Variants in NAV2 observed in about 807,000 individuals in gnomAD.
The protein encoded by NAV2 is helicase, APC down-regulated 1.
In NAV2, 54 loss-of-function variants were observed where a neutral mutation model predicts 223.2. The ratio of observed to expected loss-of-function variants is 0.24; its 90% CI spans 0.19 to 0.30. NAV2 has a LOEUF of 0.30. NAV2 is among the 10% of genes least tolerant of loss of function. The probability of loss-of-function intolerance (pLI) is 1.00; values close to 1 mark genes in which losing one functional copy is unlikely to be tolerated. For synonymous variants in NAV2, 1,279 were observed against 1,239.3 expected (o/e 1.03, Z -0.67); for missense variants, 2,806 against 3,147.5 (o/e 0.89, Z 2.60).
At chr11:20,008,078 T>C (rs763161943) in intron 11 of NAV2, among the ~76,000 whole-genome samples, 13 of 152,194 alleles carry the variant, frequency 8.5e-5, no homozygotes, top group Non-Finnish European at 1.5e-4. Flanking sequence ...ATTTTAAGTT[T>C]AAATCAGGCC....
chr11:19,542,652 C>T (rs1565033322), intron 1 of NAV2, among the ~76,000 whole-genome samples: 1 of 152,224 alleles, frequency 6.6e-6, no homozygotes, highest in African/African-American at 2.4e-5. Context: ...GGTTTTAATT[C>T]ATCGAAGGTC....
intron 1 of NAV2, among the ~76,000 whole-genome samples, chr11:19,648,177 A>G (rs997600232): frequency 1.3e-5 from 2 of 152,242 alleles, no homozygotes; most frequent in Non-Finnish European, 2.9e-5. Flanking sequence ...ACAGTATATT[A>G]AAAACGAAGG....
At chr11:19,695,642 G>A (rs1176083249) in intron 1 of NAV2, among the ~76,000 whole-genome samples, 5 of 152,116 alleles carry the variant, frequency 3.3e-5, no homozygotes, top group East Asian at 1.9e-4. Flanking sequence ...GGTGGCTCAC[G>A]CCTGTAATCC....
chr11:19,642,692 G>A (rs1198763933), intron 1 of NAV2, among the ~76,000 whole-genome samples: 1 of 152,058 alleles, frequency 6.6e-6, no homozygotes, highest in South Asian at 2.1e-4. Context: ...GCCAATTCTC[G>A]AAATAGTTTA....
rs1228831761 is a variant in NAV2, at chr11:19,713,026, G to A, written c.-670G>A. ...CAGGCGCTAAGGTGCTCTCAGTCCG[G>A]GGGCCTTCTGGGCAGCGGTGACTGT... On this transcript the variant is annotated 5_prime_UTR_variant, in exon 1 of 38. Coordinates refer to ENST00000349880, the MANE Select transcript of NAV2 (RefSeq NM_145117.5). This position sits in a 1 kb window ranked among gnomAD's most constrained non-coding sequence, Gnocchi z 7.2. Among the ~76,000 whole-genome samples the A allele has an allele frequency of 6.6e-6, 1 of 152,154 alleles. No homozygotes were observed. The highest frequency in any genetic ancestry group is 1.5e-5 in the Non-Finnish European group (1 of 68,022).
chr11:19,348,793 T>C (rs1230803134), upstream of NAV2, among the ~76,000 whole-genome samples: 2 of 152,164 alleles, frequency 1.3e-5, no homozygotes, highest in African/African-American at 2.4e-5. Context: ...AAAACTGAGA[T>C]TGGGATTAAG....
At position 20,045,105 on chromosome 11, in the gene NAV2, C is replaced by G; in HGVS notation, c.3337C>G (p.Pro1113Ala). The G allele has an allele frequency of 1.2e-6, 2 of 1,614,186 alleles. No homozygotes were observed. The highest frequency in any genetic ancestry group is 1.7e-6 in the Non-Finnish European group (2 of 1,180,024). The stretch of plus-strand genomic sequence containing the variant: ...GCCCCTCCCCAGCAGCTCTAGGACA[C>G]CTACTGCCAATGCCAACAGCTTTGG... Reference protein sequence around the residue: ...KKPLPSSSRTPTANANSFGFK... With the variant: ...KKPLPSSSRTATANANSFGFK... Residue 1113 changes from proline (P) to alanine (A), a missense_variant, in exon 14 of 38, where the codon CCT becomes GCT. Pro to Ala is a conservative substitution (Grantham distance 27). Coordinates refer to ENST00000349880, the MANE Select transcript of NAV2 (RefSeq NM_145117.5).
intron 1 of NAV2, among the ~76,000 whole-genome samples, chr11:19,643,942 T>C (rs181564818): frequency 7.9e-4 from 120 of 152,376 alleles, no homozygotes; most frequent in African/African-American, 2.7e-3. Flanking sequence ...TGTGTTATAT[T>C]TGAGCACGTA....
chr11:20,067,576 C>G (rs1029205437), intron 20 of NAV2, among the ~76,000 whole-genome samples: 7 of 151,772 alleles, frequency 4.6e-5, no homozygotes, highest in Non-Finnish European at 1.0e-4. Context: ...CTCCTGGGTT[C>G]AAGCCATTCT....
At chr11:19,875,765 CTG>C (rs1241310589) in intron 4 of NAV2, among the ~76,000 whole-genome samples, 6 of 152,122 alleles carry the variant, frequency 3.9e-5, no homozygotes, top group Non-Finnish European at 7.4e-5. Flanking sequence ...CTCAGTAAAA[CTG>C]TTTTTAAAAC....
At chr11:19,722,584 C>T (rs1223639774) in intron 1 of NAV2, among the ~76,000 whole-genome samples, 4 of 152,226 alleles carry the variant, frequency 2.6e-5, no homozygotes, top group Non-Finnish European at 5.9e-5. Context: ...TGGACCATGA[C>T]TTCCATGAGG....
intron 1 of NAV2, among the ~76,000 whole-genome samples, chr11:19,735,086 G>A (rs1393539926): frequency 6.6e-6 from 1 of 152,234 alleles, no homozygotes; most frequent in African/African-American, 2.4e-5. Context: ...GAGTAAATCA[G>A]AGAAGGTCTG....
chr11:19,681,319 G>T (rs10741791), intron 1 of NAV2, among the ~76,000 whole-genome samples: 2 of 151,976 alleles, frequency 1.3e-5, no homozygotes, highest in African/African-American at 4.8e-5. Context: ...TAATTTCACC[G>T]CAGTTATAAA....
intron 30 of NAV2, 53 bp from the exon 31 acceptor site, chr11:20,097,524 G>A: frequency 7.1e-7 from 1 of 1,399,996 alleles, no homozygotes; most frequent in East Asian, 2.4e-5. Flanking sequence ...CATGAGTCAT[G>A]GGCAGATTTT....
At chr11:19,482,513 G>A (rs537882503) in intron 1 of NAV2, among the ~76,000 whole-genome samples, 21 of 152,334 alleles carry the variant, frequency 1.4e-4, no homozygotes, top group African/African-American at 5.1e-4. Flanking sequence ...GAAGACATAT[G>A]TGAATTCACT....
chr11:19,528,036 T>G (rs1225648328), intron 1 of NAV2, among the ~76,000 whole-genome samples: 1 of 151,960 alleles, frequency 6.6e-6, no homozygotes, highest in Non-Finnish European at 1.5e-5. Context: ...AGTGGGGAAG[T>G]TTTCCCAGAG....
intron 1 of NAV2, among the ~76,000 whole-genome samples, chr11:19,626,031 A>G (rs1045911324): frequency 3.3e-5 from 5 of 152,038 alleles, no homozygotes; most frequent in Non-Finnish European, 7.4e-5. Flanking sequence ...AAGCTTTGCT[A>G]TTTGATATAA....
chr11:19,872,295 C>A (rs537255740), intron 4 of NAV2, among the ~76,000 whole-genome samples: 1 of 152,144 alleles, frequency 6.6e-6, no homozygotes, highest in Non-Finnish European at 1.5e-5. Flanking sequence ...GTACCCCCAG[C>A]AACCTTATGG....
chr11:19,554,442 C>T (rs370481657), intron 1 of NAV2, among the ~76,000 whole-genome samples: 2 of 152,174 alleles, frequency 1.3e-5, no homozygotes, highest in African/African-American at 4.8e-5. Flanking sequence ...GGCTCCATTG[C>T]CCAGCTCCTC....
Sources: allele counts gnomAD v4.1 joint callset (sites outside exome capture counted in the v4.1 genomes callset), GRCh38; gene constraint gnomAD v4.1.1; non-coding constraint Gnocchi (gnomAD v3.1); transcripts MANE v1.5; gene names NCBI Gene and HGNC (gene_info 2026-07-23, HGNC 2026-07-21).